Variants in GAN observed in about 807,000 individuals in gnomAD.
The protein encoded by GAN is epididymis secretory sperm binding protein.
In GAN, 48 loss-of-function variants were observed where a neutral mutation model predicts 71.3. That is an observed-to-expected ratio of 0.67 (90% CI 0.53 to 0.86). GAN has a LOEUF of 0.86. Among genes scored for constraint, GAN ranks in the 40% least tolerant of loss-of-function variants. The pLI, the probability that GAN is intolerant of heterozygous loss-of-function variation, is 0.00. For synonymous variants in GAN, 386 were observed against 276.8 expected, an observed-to-expected ratio of 1.39 and a Z score of -3.92; for missense variants, 928 against 770.1, an observed-to-expected ratio of 1.21 and a Z score of -2.43.
chr16:81,370,557 T>G (rs1911006107), intron 9 of GAN, among the ~76,000 whole-genome samples: 1 of 152,244 alleles, frequency 6.6e-6, no homozygotes, highest in South Asian at 2.1e-4. Flanking sequence ...CAGGAAGTAT[T>G]TTCCCCATCC....
At chr16:81,356,462 C>G (rs1446299896) in intron 3 of GAN, among the ~76,000 whole-genome samples, 1 of 152,110 alleles carries the variant, frequency 6.6e-6, no homozygotes, top group African/African-American at 2.4e-5. Flanking sequence ...TGAAATAAAG[C>G]AAATTATAGC....
intron 6 of GAN, among the ~76,000 whole-genome samples, 179 bp downstream of exon 6, chr16:81,362,790 G>T: frequency 6.6e-6 from 1 of 152,012 alleles, no homozygotes; most frequent in Non-Finnish European, 1.5e-5. Flanking sequence ...CACTCCTTCT[G>T]GCCTCCATGA....
intron 5 of GAN, among the ~76,000 whole-genome samples, chr16:81,361,203 C>T (rs570454364): frequency 1.1e-4 from 16 of 151,864 alleles, no homozygotes; most frequent in African/African-American, 2.2e-4. Context: ...CCAGCCTGGG[C>T]GACAGAGCAA....
intron 1 of GAN, 88 bp from the exon 2 acceptor site, chr16:81,351,495 C>G: frequency 1.4e-6 from 1 of 730,502 alleles, no homozygotes; most frequent in Non-Finnish European, 2.5e-6. Flanking sequence ...TGATAAGTAT[C>G]TTATACGTTA....
In GAN at chr16:81,385,361, C is replaced by CT; in HGVS notation, c.*7768dup. The CT allele has an allele frequency of 6.6e-6, 1 of 152,200 alleles. No individual in the cohort carries two copies. Among genetic ancestry groups the CT allele is most frequent in the East Asian group, 1.9e-4 (1 of 5,202 alleles). The allele number at this position is 152,200 out of a possible 1,614,324, so 9.4% of individuals were successfully genotyped here. A position where few individuals can be genotyped will look rare whatever the true frequency, so the allele number is the denominator to read the frequency against. Reference sequence around the variant, plus strand: ...ATTTTCAGGCAATCATCTTTATATACTTTCCTTACAAACCCAGTGGTTGAG... The same window carrying CT: ...ATTTTCAGGCAATCATCTTTATATACTTTTCCTTACAAACCCAGTGGTTGAG... On this transcript the variant is annotated 3_prime_UTR_variant, in exon 11 of 11. Coordinates refer to ENST00000648994, the MANE Select transcript of GAN (RefSeq NM_022041.4).
chr16:81,363,540 C>T (rs886613342), intron 6 of GAN, among the ~76,000 whole-genome samples: 5 of 152,088 alleles, frequency 3.3e-5, no homozygotes, highest in Non-Finnish European at 7.4e-5. Context: ...GATACATGTG[C>T]AGGTTTGTTA....
intron 1 of GAN, among the ~76,000 whole-genome samples, chr16:81,350,089 A>C (rs1160759494): frequency 1.3e-5 from 2 of 151,412 alleles, no homozygotes; most frequent in Non-Finnish European, 2.9e-5. Context: ...TTTTTTTTTT[A>C]AGTTTTTTAA....
At chr16:81,361,349 C>T (rs968003507) in intron 5 of GAN, among the ~76,000 whole-genome samples, 1 of 152,084 alleles carries the variant, frequency 6.6e-6, no homozygotes, top group African/African-American at 2.4e-5. Context: ...TTGTTTCTGC[C>T]AGTTGACTGA....
rs145812609 is a variant in GAN, at chr16:81,329,441, A to G, written c.167+14161A>G. ...CTCTGCATCCTCTTCTTACAAGTGC[A>G]TAATTTCCCTGACCTTGCAACCAGG... On this transcript the variant is annotated intron_variant, in intron 1 of 10. Transcript: ENST00000648994. 9.8e-5 allele frequency among the ~76,000 whole-genome samples: 15 copies of G among 152,376 alleles called. No homozygotes were observed. The East Asian group carries it at 2.7e-3, about 27-fold the overall frequency.
intron 1 of GAN, among the ~76,000 whole-genome samples, chr16:81,325,470 A>G (rs1909355007): frequency 6.6e-6 from 1 of 152,218 alleles, no homozygotes; most frequent in African/African-American, 2.4e-5. Context: ...GGTAAGACAT[A>G]TTCTAGCATG....
At chr16:81,375,339 C>CTTTTTT (rs59775874) in intron 9 of GAN, among the ~76,000 whole-genome samples, 1 of 104,120 alleles carries the variant, frequency 9.6e-6, no homozygotes, top group Non-Finnish European at 1.8e-5. Flanking sequence ...TTTAATTTAT[C>CTTTTTT]TTTTTTTTTT....
intron 9 of GAN, among the ~76,000 whole-genome samples, chr16:81,368,646 T>C (rs1910938660): frequency 6.6e-6 from 1 of 152,190 alleles, no homozygotes. Context: ...TCTTGTACTT[T>C]GCAACTCATC....
In GAN at chr16:81,365,130, A is replaced by C. The variant is rs1174510191; in HGVS notation, c.1373+20A>C. ...GAGGAGGTACGTGGCTGTGGGGTGG[A>C]CTTTGTAGATTCCCTTGCTGTTCAC... On this transcript the variant is annotated intron_variant, in intron 8 of 10. Transcript: ENST00000648994. The C allele has an allele frequency of 6.2e-7, 1 of 1,611,980 alleles. No individual in the cohort carries two copies. The highest frequency in any genetic ancestry group is 8.5e-7 in the Non-Finnish European group (1 of 1,179,024).
chr16:81,368,558 C>T (rs1910935640), intron 9 of GAN, among the ~76,000 whole-genome samples: 1 of 152,152 alleles, frequency 6.6e-6, no homozygotes, highest in Admixed American at 6.5e-5. Context: ...TGCAGTAGAC[C>T]ATGATCGTGC....
At position 81,363,863 on chromosome 16, in the gene GAN, A is replaced by G; in HGVS notation, c.1156A>G (p.Lys386Glu). Residue 386 changes from lysine to glutamate, a missense_variant, in exon 7 of 11, where the codon AAG becomes GAG. Transcript: ENST00000648994. The part of the protein sequence containing the change: ...LYILGGEDGE[K>E]ELISMECYDI... The stretch of plus-strand genomic sequence containing the variant: ...CATTTTGGGAGGAGAGGATGGTGAA[A>G]AGGAGCTGATTTCCATGGAGTGTTA... The G allele has an allele frequency of 6.2e-7, 1 of 1,611,742 alleles. No homozygotes were observed. Among genetic ancestry groups the G allele is most frequent in the Non-Finnish European group, 8.5e-7 (1 of 1,177,796 alleles).
intron 9 of GAN, among the ~76,000 whole-genome samples, chr16:81,369,955 G>A (rs180962694): frequency 6.6e-6 from 1 of 152,260 alleles, no homozygotes; most frequent in Admixed American, 6.5e-5. Context: ...TTTCCCAGAC[G>A]TAATATCCTC....
intron 2 of GAN, among the ~76,000 whole-genome samples, chr16:81,352,374 G>T (rs1466539750): frequency 6.6e-6 from 1 of 152,154 alleles, no homozygotes; most frequent in Non-Finnish European, 1.5e-5. Flanking sequence ...CATTCCCCAT[G>T]ACGTGATTTC....
At chr16:81,369,215 C>G (rs927908296) in intron 9 of GAN, among the ~76,000 whole-genome samples, 1 of 152,212 alleles carries the variant, frequency 6.6e-6, no homozygotes, top group African/African-American at 2.4e-5. Flanking sequence ...CTGGCAAAAT[C>G]ACCATGCTGG....
intron 9 of GAN, among the ~76,000 whole-genome samples, chr16:81,367,611 T>A (rs1045735203): frequency 1.3e-5 from 2 of 152,222 alleles, no homozygotes; most frequent in African/African-American, 4.8e-5. Context: ...GTAAATAGAA[T>A]GAAGAAAGCT....
Sources: gnomAD v4.1 joint callset for allele counts (sites outside exome capture counted in the v4.1 genomes callset) on GRCh38, gnomAD v4.1.1 for gene constraint, MANE v1.5 for transcripts, NCBI Gene and HGNC (gene_info 2026-07-23, HGNC 2026-07-21) for gene names.